SGCZ: variants seen among roughly 807,000 people sequenced by gnomAD.
The protein encoded by SGCZ is zeta-sarcoglycan.
In SGCZ, 40 loss-of-function variants were observed where a neutral mutation model predicts 41.3. That is an observed-to-expected ratio of 0.97 (90% confidence interval 0.75 to 1.26). The LOEUF (loss-of-function observed/expected upper bound fraction) is 1.26, where lower values mean the gene tolerates loss of function less well. Among genes scored for constraint, SGCZ ranks in the 50% most tolerant of loss-of-function variants. The pLI, the probability that SGCZ is intolerant of heterozygous loss-of-function variation, is 0.00. For synonymous variants in SGCZ, 206 were observed against 137.5 expected (o/e 1.50, Z -3.49); for missense variants, 552 against 369.8 (o/e 1.49, Z -4.04).
At chr8:14,966,580 T>C (rs1014732254) in intron 1 of SGCZ, among the ~76,000 whole-genome samples, 1 of 152,116 alleles carries the variant, frequency 6.6e-6, no homozygotes, top group Non-Finnish European at 1.5e-5. Context: ...AGCCTAATTT[T>C]ACTAATGCCA....
chr8:14,631,657 T>C (rs960324921), intron 1 of SGCZ, among the ~76,000 whole-genome samples: 1 of 152,096 alleles, frequency 6.6e-6, no homozygotes, highest in Admixed American at 6.6e-5. Context: ...TATTACAGAA[T>C]ACTGAAAGAT....
At chr8:14,551,532 TAATATATATAATATATATAATATATATTA>T (rs1803840855) in intron 2 of SGCZ, among the ~76,000 whole-genome samples, 4 of 5,654 alleles carry the variant, frequency 7.1e-4, no homozygotes, top group South Asian at 0.012. Flanking sequence ...ATAATATATA[TAATATATATAATATATATAATATATATTA>T]TATATATAAT....
chr8:14,914,552 A>T (rs1007972502), intron 1 of SGCZ, among the ~76,000 whole-genome samples: 2 of 152,216 alleles, frequency 1.3e-5, no homozygotes, highest in Non-Finnish European at 2.9e-5. Flanking sequence ...CATTTAAAAA[A>T]GGCTTATCAA....
intron 1 of SGCZ, among the ~76,000 whole-genome samples, chr8:14,708,531 C>T (rs1440407698): frequency 1.3e-5 from 2 of 151,496 alleles, no homozygotes; most frequent in African/African-American, 4.9e-5. Flanking sequence ...GCTGATTCTT[C>T]TGTGTATATA....
Position 14,102,365 on chromosome 8 carries a change from C to G in SGCZ, c.744+11G>C, listed in dbSNP as rs1802056758. On this transcript the variant is annotated intron_variant, in intron 7 of 7. Coordinates refer to ENST00000382080, the MANE Select transcript of SGCZ (RefSeq NM_139167.4). ...CAGTATAGGGCGAGGGTCCAACTTT[C>G]TGGGACTCACCTCCCCTTCTGTAGA... 3.4e-6 allele frequency: 5 copies of G among 1,471,216 alleles called. No individual in the cohort carries two copies. Among genetic ancestry groups the G allele is most frequent in the African/African-American group, 1.4e-5 (1 of 70,720 alleles). The allele number at this position is 1,471,216 out of a possible 1,614,324, so 91.1% of individuals were successfully genotyped here. A position where few individuals can be genotyped will look rare whatever the true frequency, so the allele number is the denominator to read the frequency against.
intron 3 of SGCZ, among the ~76,000 whole-genome samples, chr8:14,312,953 C>T (rs972225557): frequency 2.0e-5 from 3 of 152,136 alleles, no homozygotes; most frequent in African/African-American, 7.2e-5. Context: ...CACCTTCTTA[C>T]TAAGAAGACT....
intron 1 of SGCZ, among the ~76,000 whole-genome samples, chr8:14,914,279 A>G (rs769814888): frequency 1.1e-4 from 15 of 135,248 alleles, no homozygotes; most frequent in Non-Finnish European, 1.6e-4. Flanking sequence ...TGTAATAAAC[A>G]AAGTAAAATA....
chr8:14,101,314 A>T (rs1363640792), intron 7 of SGCZ, among the ~76,000 whole-genome samples: 2 of 98,432 alleles, frequency 2.0e-5, no homozygotes, highest in African/African-American at 5.4e-5. Context: ...GAAGGTGTGA[A>T]AATGCAAAGT....
At chr8:14,704,100 C>T (rs756593936) in intron 1 of SGCZ, among the ~76,000 whole-genome samples, 19 of 152,062 alleles carry the variant, frequency 1.2e-4, no homozygotes, top group South Asian at 2.1e-4. Context: ...ATGTCCGTTA[C>T]GACACTAAAA....
At chr8:14,635,665 T>G (rs780764949) in intron 1 of SGCZ, among the ~76,000 whole-genome samples, 2 of 151,710 alleles carry the variant, frequency 1.3e-5, no homozygotes, top group Non-Finnish European at 2.9e-5. Context: ...AACATATTCA[T>G]ACTTAGTAAA....
At chr8:14,952,059 T>C (rs551647011) in intron 1 of SGCZ, among the ~76,000 whole-genome samples, 2 of 152,192 alleles carry the variant, frequency 1.3e-5, no homozygotes, top group African/African-American at 2.4e-5. Context: ...AAGTAAAATA[T>C]TTTTTTCTCA....
At chr8:15,147,683 G>T (rs1040443722) in intron 1 of SGCZ, among the ~76,000 whole-genome samples, 1 of 152,160 alleles carries the variant, frequency 6.6e-6, no homozygotes, top group Non-Finnish European at 1.5e-5. Flanking sequence ...GTAGGGGCTG[G>T]CTCACAGCCA....
Position 14,900,776 on chromosome 8 carries a change from A to G in SGCZ, c.39+336809T>C, listed in dbSNP as rs528634826. Among the ~76,000 whole-genome samples, 10 of 152,314 alleles carry G rather than the reference A, an allele frequency of 6.6e-5. No individual in the cohort carries two copies. The South Asian group carries it at 2.1e-3, about 32-fold the overall frequency. Reference sequence around the variant, plus strand: ...GATGCAAATTGCATGAATATCTTTGACTATTATCTACAATTCCAAAGGTAA... The same window carrying G: ...GATGCAAATTGCATGAATATCTTTGGCTATTATCTACAATTCCAAAGGTAA... On this transcript the variant is annotated intron_variant, in intron 1 of 7. Coordinates refer to ENST00000382080, the MANE Select transcript of SGCZ (RefSeq NM_139167.4).
At chr8:14,861,095 G>T (rs140186701) in intron 1 of SGCZ, among the ~76,000 whole-genome samples, 1 of 152,136 alleles carries the variant, frequency 6.6e-6, no homozygotes, top group Non-Finnish European at 1.5e-5. Flanking sequence ...ATGTAGATGC[G>T]TACGAGGTGA....
chr8:14,965,842 G>A (rs1221287124), intron 1 of SGCZ, among the ~76,000 whole-genome samples: 1 of 151,756 alleles, frequency 6.6e-6, no homozygotes, highest in African/African-American at 2.4e-5. Flanking sequence ...ACTACAGCAG[G>A]GCAAATCTAA....
At chr8:14,523,321 C>T (rs914423189) in intron 2 of SGCZ, among the ~76,000 whole-genome samples, 1 of 151,940 alleles carries the variant, frequency 6.6e-6, no homozygotes, top group African/African-American at 2.4e-5. Flanking sequence ...TAGAGAACTA[C>T]CTTTAGCCAC....
In SGCZ at chr8:14,520,663, G is replaced by C. The variant is rs147993455; in HGVS notation, c.234+34069C>G. On this transcript the variant is annotated intron_variant, in intron 2 of 7. Transcript: ENST00000382080. The stretch of plus-strand genomic sequence containing the variant: ...AATATATTTCTGTGTGAAAATAAAA[G>C]AGAGAAGTGATTAAAAAATAGAACT... Among the ~76,000 whole-genome samples the C allele has an allele frequency of 7.2e-5, 11 of 152,170 alleles. No individual in the cohort carries two copies. The East Asian group carries it at 1.9e-3, about 27-fold the overall frequency.
chr8:14,779,151 T>A (rs1048785552), intron 1 of SGCZ, among the ~76,000 whole-genome samples: 13 of 152,234 alleles, frequency 8.5e-5, no homozygotes, highest in Non-Finnish European at 1.6e-4. Context: ...CATGCCTTTT[T>A]TGAGTTCCTC....
chr8:14,678,408 A>G (rs1257996948), intron 1 of SGCZ, among the ~76,000 whole-genome samples: 1 of 152,228 alleles, frequency 6.6e-6, no homozygotes, highest in Admixed American at 6.5e-5. Context: ...AAGAAGATGT[A>G]CCAATGGTAA....
Sources: gnomAD v4.1 joint callset for allele counts (sites outside exome capture counted in the v4.1 genomes callset) on GRCh38, gnomAD v4.1.1 for gene constraint, MANE v1.5 for transcripts, NCBI Gene and HGNC (gene_info 2026-07-23, HGNC 2026-07-21) for gene names.